The following PPP4R3B variants were observed in gnomAD, a reference collection of about 807,000 sequenced individuals.
PPP4R3B encodes serine/threonine-protein phosphatase 4 regulatory subunit 3B.
In PPP4R3B, 52 loss-of-function variants were observed where a neutral mutation model predicts 95.4. The observed-to-expected ratio is 0.54, with a 90% confidence interval of 0.44 to 0.69. The LOEUF (loss-of-function observed/expected upper bound fraction) is 0.69. Among genes scored for constraint, PPP4R3B ranks in the 30% least tolerant of loss-of-function variants. The probability of loss-of-function intolerance (pLI) is 0.00; values close to 1 mark genes in which losing one functional copy is unlikely to be tolerated. For missense variants in PPP4R3B, 1,003 were observed against 1,005.9 expected, an observed-to-expected ratio of 1.00 and a Z score of 0.04; for synonymous variants, 407 against 343.9, an observed-to-expected ratio of 1.18 and a Z score of -2.03.
intron 13 of PPP4R3B, 42 bp downstream of exon 13, chr2:55,568,152 C>A (rs751991956): frequency 1.1e-5 from 14 of 1,261,582 alleles, no homozygotes; most frequent in African/African-American, 1.5e-5. Context: ...AAATTATTTA[C>A]ATATAATTAC....
rs1169243921 is a variant in PPP4R3B at position 55,573,884 on chromosome 2, TCC to T, written c.1607-109_1607-108del. 143 of 419,494 alleles carry T rather than the reference TCC, an allele frequency of 3.4e-4. 1 individual carries two copies. The highest frequency in any genetic ancestry group is 3.2e-4 in the Non-Finnish European group (86 of 266,736). The allele number at this position is 419,494 out of a possible 1,614,324, so 26.0% of individuals were successfully genotyped here. A position where few individuals can be genotyped will look rare whatever the true frequency, so the allele number is the denominator to read the frequency against. ...ATAACAAAATCTAAACTGTATTTCC[TCC>T]TTTTTTTTTTTTTTTTTTTTGAGAC... On this transcript the variant is annotated intron_variant, in intron 11 of 16. Transcript: ENST00000616407.
rs765209385 is a variant in PPP4R3B at position 55,598,509 on chromosome 2, A to T, written c.828T>A (p.Ile276=). 4.5e-5 allele frequency: 72 copies of T among 1,614,038 alleles called. No homozygotes were observed. The highest frequency in any genetic ancestry group is 5.6e-5 in the Non-Finnish European group (66 of 1,180,032). ...CTTCAAAAACAGATGGTGTGGGCAA[A>T]ATGATGTCCTGAATGTACTGTACCC... ...TYRVQYIQDI[I]LPTPSVFEEN... Residue 276 remains isoleucine, a synonymous_variant, in exon 4 of 17, where the codon ATT becomes ATA. Coordinates refer to ENST00000616407, the MANE Select transcript of PPP4R3B (RefSeq NM_001122964.3).
chr2:55,576,616 C>T (rs1219380053), intron 11 of PPP4R3B, among the ~76,000 whole-genome samples: 2 of 148,752 alleles, frequency 1.3e-5, no homozygotes, highest in African/African-American at 2.5e-5. Context: ...GCAGAAGAAT[C>T]GCTTGAACTC....
Position 55,606,956 on chromosome 2 carries a change from T to A in PPP4R3B, c.199-2880A>T, listed in dbSNP as rs187145183. ...CATGGTTGACAGTTTACACTAGCAGTAAATGTAAATTTAACCATTATCTAG... is the reference window on the plus strand; with the variant it reads ...CATGGTTGACAGTTTACACTAGCAGAAAATGTAAATTTAACCATTATCTAG... On this transcript the variant is annotated intron_variant, in intron 2 of 16. Coordinates refer to ENST00000616407, the MANE Select transcript of PPP4R3B (RefSeq NM_001122964.3). Among the ~76,000 whole-genome samples the A allele has an allele frequency of 1.1e-3, 170 of 152,310 alleles. 2 individuals carry two copies. In the Middle Eastern group the frequency reaches 0.024, roughly 21 times the overall value.
At chr2:55,591,109 T>C (rs1032284943) in intron 4 of PPP4R3B, among the ~76,000 whole-genome samples, 1 of 152,102 alleles carries the variant, frequency 6.6e-6, no homozygotes, top group East Asian at 1.9e-4. Context: ...TATATGCATA[T>C]GTAATCTTTT....
In PPP4R3B at chr2:55,581,581, G is replaced by T. The variant is rs1283517199; in HGVS notation, c.1351C>A (p.Leu451Met). The change falls in exon 8 of 17, where the codon CTG becomes ATG. Residue 451 changes from leucine (L) to methionine (M), a missense_variant. Leu to Met is a conservative substitution (Grantham distance 15, BLOSUM62 2). Transcript: ENST00000616407. ...LRTLIDPENMLATTNKTEKSE... is the reference protein window; with the variant it reads ...LRTLIDPENMMATTNKTEKSE... ...TAATTTCTTACATTAGTTGTAGCCA[G>T]CATGTTCTCTGGATCAATTAGAGTA... 6.2e-7 allele frequency: 1 copy of T among 1,612,254 alleles called. No homozygotes were observed. The highest frequency in any genetic ancestry group is 8.5e-7 in the Non-Finnish European group (1 of 1,179,126).
chr2:55,617,312 C>G lies in PPP4R3B; in HGVS notation c.-27G>C. The G allele has an allele frequency of 6.4e-7, 1 of 1,555,512 alleles. No homozygotes were observed. The highest frequency in any genetic ancestry group is 8.7e-7 in the Non-Finnish European group (1 of 1,145,088). The stretch of plus-strand genomic sequence containing the variant: ...GTGGCTGCTGTCTCCACCGCTCTAG[C>G]CGCCGCCTCCTCGCTTACCTCGTCC... On this transcript the variant is annotated 5_prime_UTR_variant, in exon 1 of 17. Transcript: ENST00000616407.
intron 2 of PPP4R3B, among the ~76,000 whole-genome samples, chr2:55,611,723 G>A (rs1273446195): frequency 6.6e-6 from 1 of 151,986 alleles, no homozygotes; most frequent in Non-Finnish European, 1.5e-5. Context: ...ATTCCCCTCT[G>A]AATTTACTCA....
chr2:55,603,448 CATTATA>C (rs1692930922), intron 3 of PPP4R3B, among the ~76,000 whole-genome samples: 2 of 152,138 alleles, frequency 1.3e-5, no homozygotes, highest in Non-Finnish European at 2.9e-5. Flanking sequence ...TTGTCTTCTG[CATTATA>C]GTTATATTTT....
intron 1 of PPP4R3B, among the ~76,000 whole-genome samples, chr2:55,615,894 A>G (rs1572766574): frequency 1.7e-5 from 2 of 119,284 alleles, no homozygotes; most frequent in South Asian, 6.9e-4. Flanking sequence ...ACACATTTAA[A>G]CCCCGCCCCC....
intron 15 of PPP4R3B, among the ~76,000 whole-genome samples, chr2:55,560,710 G>A (rs1409810853): frequency 6.8e-6 from 1 of 146,562 alleles, no homozygotes; most frequent in South Asian, 2.2e-4. Context: ...CTGGGAGGCA[G>A]AGGTTGCAGT....
At chr2:55,567,043 T>C (rs1463179895) in intron 13 of PPP4R3B, among the ~76,000 whole-genome samples, 3 of 152,216 alleles carry the variant, frequency 2.0e-5, no homozygotes, top group Non-Finnish European at 4.4e-5. Context: ...CCAAATTCTT[T>C]CCAACTATGT....
chr2:55,581,039 G>T (rs1473791157), intron 8 of PPP4R3B, among the ~76,000 whole-genome samples: 1 of 152,086 alleles, frequency 6.6e-6, no homozygotes, highest in Non-Finnish European at 1.5e-5. Flanking sequence ...GATCACCTGA[G>T]GTCAGGGGTT....
At chr2:55,585,795 G>C (rs945050719) in intron 6 of PPP4R3B, among the ~76,000 whole-genome samples, 1 of 152,162 alleles carries the variant, frequency 6.6e-6, no homozygotes, top group Admixed American at 6.5e-5. Context: ...CTCAAAGTGT[G>C]GTCCAGGTAA....
At chr2:55,575,360 C>T (rs1440274982) in intron 11 of PPP4R3B, among the ~76,000 whole-genome samples, 3 of 152,182 alleles carry the variant, frequency 2.0e-5, no homozygotes, top group African/African-American at 7.2e-5. Context: ...TTTTGAACTG[C>T]ATCCTGAACA....
At chr2:55,581,491 G>T in intron 8 of PPP4R3B, 76 bp downstream of exon 8, 1 of 1,435,176 alleles carries the variant, frequency 7.0e-7, no homozygotes, top group Non-Finnish European at 9.4e-7. Flanking sequence ...TAAAATACTT[G>T]TTTCTCAAAA....
At chr2:55,551,817 G>T (rs987101084) in intron 16 of PPP4R3B, among the ~76,000 whole-genome samples, 15 of 151,852 alleles carry the variant, frequency 9.9e-5, no homozygotes, top group African/African-American at 3.4e-4. Context: ...ACAGTGCTTC[G>T]TATGTAGTTA....
At position 55,604,093 on chromosome 2, in the gene PPP4R3B, A is replaced by G. The variant is rs1371041614; in HGVS notation, c.199-17T>C. 6.4e-7 allele frequency: 1 copy of G among 1,568,632 alleles called. No homozygotes were observed. Among genetic ancestry groups the G allele is most frequent in the South Asian group, 1.2e-5 (1 of 84,298 alleles). ...TAATGTATCCTGTTTAAAAATAAATATTTCCATATCATCACACTAGAAAAG... is the reference window on the plus strand; with the variant it reads ...TAATGTATCCTGTTTAAAAATAAATGTTTCCATATCATCACACTAGAAAAG... On this transcript the variant is annotated splice_polypyrimidine_tract_variant and intron_variant, in intron 2 of 16. Transcript: ENST00000616407.
intron 15 of PPP4R3B, among the ~76,000 whole-genome samples, chr2:55,561,783 C>T (rs1030651036): frequency 1.5e-4 from 23 of 152,220 alleles, no homozygotes; most frequent in African/African-American, 3.4e-4. Context: ...TCTGTACCCC[C>T]GTTGTATCTT....
Sources: allele counts gnomAD v4.1 joint callset (sites outside exome capture counted in the v4.1 genomes callset), GRCh38; gene constraint gnomAD v4.1.1; transcripts MANE v1.5; gene names NCBI Gene and HGNC (gene_info 2026-07-23, HGNC 2026-07-21).